The following CNTNAP3B variants were observed in gnomAD, a reference collection of about 807,000 sequenced individuals.
CNTNAP3B encodes contactin associated protein family member 3B, also known as contactin-associated protein-like 3B.
A neutral mutation model predicts 108.9 loss-of-function variants in CNTNAP3B; 25 were observed. The observed-to-expected ratio is 0.23, with a 90% CI of 0.17 to 0.32. The LOEUF (loss-of-function observed/expected upper bound fraction) is 0.32. Among genes scored for constraint, CNTNAP3B ranks in the 10% least tolerant of loss-of-function variants. The probability of loss-of-function intolerance (pLI) is 1.00; values close to 1 mark genes in which losing one functional copy is unlikely to be tolerated. For missense variants in CNTNAP3B, 252 were observed against 1,210.4 expected, an observed-to-expected ratio of 0.21 and a Z score of 11.75; for synonymous variants, 103 against 473.4, an observed-to-expected ratio of 0.22 and a Z score of 10.16.
chr9:42,121,656 C>A (rs1412647524), intron 1 of CNTNAP3B, among the ~76,000 whole-genome samples: 1 of 139,868 alleles, frequency 7.1e-6, no homozygotes, highest in Non-Finnish European at 1.5e-5. Context: ...GGAAAGCTGC[C>A]CAATCTCTTC....
chr9:42,125,678 T>G (rs1420789036), intron 1 of CNTNAP3B, among the ~76,000 whole-genome samples: 4 of 132,746 alleles, frequency 3.0e-5, no homozygotes, highest in Non-Finnish European at 3.2e-5. Flanking sequence ...TTTTTTTTTT[T>G]GTTTTTTTTT....
intron 10 of CNTNAP3B, among the ~76,000 whole-genome samples, chr9:41,968,547 C>T (rs1221551469): frequency 7.0e-6 from 1 of 143,224 alleles, no homozygotes; most frequent in African/African-American, 2.7e-5. Context: ...TGAATTAATT[C>T]ATTTTTCCTA....
At chr9:42,054,150 T>C (rs1312208355) in intron 3 of CNTNAP3B, among the ~76,000 whole-genome samples, 1 of 105,924 alleles carries the variant, frequency 9.4e-6, no homozygotes, top group Admixed American at 9.7e-5. Flanking sequence ...TTGTAGCTTG[T>C]TGCAGCACTT....
chr9:41,931,360 C>T (rs1823972974), intron 14 of CNTNAP3B, among the ~76,000 whole-genome samples: 1 of 152,150 alleles, frequency 6.6e-6, no homozygotes. Flanking sequence ...TTGAAATATC[C>T]AATAAATTAC....
At position 41,953,324 on chromosome 9, in the gene CNTNAP3B, G is replaced by C. The variant is rs1587139195; in HGVS notation, c.1939C>G (p.Pro647Ala). ...GPDAVTLRGA[P>A]SGHPLSAVSF... ...ACAGCCGAGAGCGGGTGCCCGCTGG[G>C]GGCACCTCGGAGGGTCACCGCGTCG... The change falls in exon 13 of 24, where the codon CCC becomes GCC. Residue 647 changes from proline to alanine, a missense_variant. By Grantham distance (27) the Pro-to-Ala change is conservative. Transcript: ENST00000377561. 6.5e-7 allele frequency: 1 copy of C among 1,547,388 alleles called. No homozygotes were observed. Among genetic ancestry groups the C allele is most frequent in the East Asian group, 2.4e-5 (1 of 41,462 alleles).
rs1159358496 is a variant in CNTNAP3B, at chr9:42,068,024, T to A, written c.390+8845A>T. On this transcript the variant is annotated intron_variant, in intron 3 of 23. Transcript: ENST00000377561. Reference sequence around the variant, plus strand: ...TTTCAGTGTAGAAAAACACCCCTGCTCATCAGTATCTGGGATAGCAGTAAA... The same window carrying A: ...TTTCAGTGTAGAAAAACACCCCTGCACATCAGTATCTGGGATAGCAGTAAA... Among the ~76,000 whole-genome samples the A allele has an allele frequency of 3.6e-5, 5 of 139,756 alleles. 1 individual carries two copies. Among genetic ancestry groups the A allele is most frequent in the Non-Finnish European group, 7.7e-5 (5 of 65,112 alleles). 91.7% of individuals were successfully genotyped at this position (139,756 alleles called of 152,430 possible).
At chr9:41,924,565 G>C (rs556176239) in intron 15 of CNTNAP3B, among the ~76,000 whole-genome samples, 2 of 152,144 alleles carry the variant, frequency 1.3e-5, no homozygotes, top group Non-Finnish European at 2.9e-5. Flanking sequence ...ATATCTATTA[G>C]GCATCCAAGT....
chr9:41,993,556 C>G (rs1251291420), intron 7 of CNTNAP3B: 4 of 107,512 alleles, frequency 3.7e-5, no homozygotes, highest in Non-Finnish European at 5.8e-5. Context: ...AACTAATTGG[C>G]GCTGATCCGT....
At chr9:42,014,626 TAAAAATACAA>T (rs1439255198) in intron 3 of CNTNAP3B, among the ~76,000 whole-genome samples, 1 of 103,650 alleles carries the variant, frequency 9.6e-6, no homozygotes, top group Non-Finnish European at 1.9e-5. Flanking sequence ...CTGTCTCTAC[TAAAAATACAA>T]AAAAATTAGC....
chr9:41,944,859 C>A (rs1435911245), intron 13 of CNTNAP3B, among the ~76,000 whole-genome samples: 25 of 152,332 alleles, frequency 1.6e-4, no homozygotes, highest in African/African-American at 5.5e-4. Flanking sequence ...AAAATTTTTG[C>A]AATCTACCCA....
At chr9:41,934,122 TACACACAC>T (rs201541186) in intron 14 of CNTNAP3B, among the ~76,000 whole-genome samples, 105 of 73,216 alleles carry the variant, frequency 1.4e-3, no homozygotes, top group African/African-American at 3.2e-3. Flanking sequence ...TATATATATA[TACACACAC>T]ATATATATAT....
intron 9 of CNTNAP3B, among the ~76,000 whole-genome samples, chr9:41,977,376 G>A (rs1260157407): frequency 6.9e-6 from 1 of 144,006 alleles, no homozygotes; most frequent in Non-Finnish European, 1.5e-5. Context: ...GATAGGTCTT[G>A]GATATATTGG....
chr9:41,931,121 A>G (rs1386681088), intron 14 of CNTNAP3B, among the ~76,000 whole-genome samples: 3 of 152,300 alleles, frequency 2.0e-5, no homozygotes, highest in African/African-American at 7.2e-5. Flanking sequence ...GCAAAAGATC[A>G]CAATAATTGA....
chr9:42,114,936 C>T (rs1410633061), intron 1 of CNTNAP3B, among the ~76,000 whole-genome samples: 1 of 135,190 alleles, frequency 7.4e-6, no homozygotes, highest in African/African-American at 3.0e-5. Context: ...AACTTGCAAT[C>T]CCAGCTACTC....
intron 1 of CNTNAP3B, among the ~76,000 whole-genome samples, chr9:42,110,913 A>T (rs1260888017): frequency 7.1e-6 from 1 of 140,192 alleles, no homozygotes; most frequent in Non-Finnish European, 1.5e-5. Flanking sequence ...GAAAAAGTAC[A>T]TTTTACTCAC....
At chr9:41,948,336 T>G (rs1373985886) in intron 13 of CNTNAP3B, among the ~76,000 whole-genome samples, 20 of 152,166 alleles carry the variant, frequency 1.3e-4, no homozygotes, top group Non-Finnish European at 2.9e-4. Flanking sequence ...AAGTGATCCA[T>G]CTGCCTCAGC....
rs542024374 is a variant in CNTNAP3B at position 41,993,542 on chromosome 9, T to A, written c.1072-1671A>T. On this transcript the variant is annotated intron_variant, in intron 7 of 23. Coordinates refer to ENST00000377561, the MANE Select transcript of CNTNAP3B (RefSeq NM_001201380.3). ...CTGTAACGAACTAAATACCAAAAGC[T>A]TACAACTAATTGGCGCTGATCCGTA... 2.8e-5 allele frequency: 3 copies of A among 108,564 alleles called. No individual in the cohort carries two copies. In the Admixed American group the frequency reaches 2.8e-4, roughly 10 times the overall value. The allele number at this position is 108,564 out of a possible 1,614,324, so 6.7% of individuals were successfully genotyped here.
chr9:41,979,162 C>A (rs1825575696), intron 9 of CNTNAP3B, among the ~76,000 whole-genome samples: 1 of 130,050 alleles, frequency 7.7e-6, no homozygotes, highest in Admixed American at 7.7e-5. Context: ...TGTCTCTGCA[C>A]CTCCATTTCC....
At chr9:41,952,498 C>T (rs1824718955) in intron 13 of CNTNAP3B, among the ~76,000 whole-genome samples, 1 of 152,260 alleles carries the variant, frequency 6.6e-6, no homozygotes, top group Admixed American at 6.5e-5. Context: ...TGTTGGAGAG[C>T]AGCGGTGAGT....
Sources: gnomAD v4.1 joint callset for allele counts (sites outside exome capture counted in the v4.1 genomes callset) on GRCh38, gnomAD v4.1.1 for gene constraint, MANE v1.5 for transcripts, NCBI Gene and HGNC (gene_info 2026-07-23, HGNC 2026-07-21) for gene names.